The following DTX2 variants were observed in gnomAD, a reference collection of about 807,000 sequenced individuals.
The protein encoded by DTX2 is probable E3 ubiquitin-protein ligase DTX2.
In DTX2, 29 loss-of-function variants were observed where a neutral mutation model predicts 55.3. The ratio of observed to expected loss-of-function variants is 0.52; its 90% CI spans 0.39 to 0.71. The LOEUF (loss-of-function observed/expected upper bound fraction) is 0.71. Among genes scored for constraint, DTX2 ranks in the 30% least tolerant of loss-of-function variants. The probability of loss-of-function intolerance (pLI) is 0.00; values close to 1 mark genes in which losing one functional copy is unlikely to be tolerated. For synonymous variants in DTX2, 276 were observed against 340.4 expected (o/e 0.81, Z 2.08); for missense variants, 537 against 822.5 (o/e 0.65, Z 4.25).
At position 76,505,231 on chromosome 7, in the gene DTX2, A is replaced by AG; in HGVS notation, c.1642-142dup. 1 of 695,226 alleles carries AG rather than the reference A, an allele frequency of 1.4e-6. No individual in the cohort carries two copies. The highest frequency in any genetic ancestry group is 1.8e-5 in the African/African-American group (1 of 56,540). 43.1% of individuals were successfully genotyped at this position (695,226 alleles called of 1,614,324 possible). ...CAGTGGGCAGTTTTGGGGTCCCTGC[A>AG]GATGGGGTGAGTGCCAGGGAGTGGA... On this transcript the variant is annotated intron_variant, in intron 10 of 10. Coordinates refer to ENST00000430490, the MANE Select transcript of DTX2 (RefSeq NM_001102594.3). This position sits in a 1 kb window ranked among gnomAD's most constrained non-coding sequence, Gnocchi z 4.4.
intron 2 of DTX2, among the ~76,000 whole-genome samples, chr7:76,466,722 C>T (rs1181314827): frequency 2.6e-4 from 39 of 152,370 alleles, no homozygotes; most frequent in South Asian, 2.3e-3. Flanking sequence ...CCTCAGACTC[C>T]GGAGTAGCTA....
intron 6 of DTX2, among the ~76,000 whole-genome samples, chr7:76,498,737 C>A: frequency 1.2e-5 from 1 of 83,950 alleles, no homozygotes; most frequent in African/African-American, 6.4e-5. Context: ...TGGGGGCCAT[C>A]GTTCTGGTCT....
At chr7:76,498,439 T>C (rs1811179569) in intron 6 of DTX2, among the ~76,000 whole-genome samples, 1 of 151,442 alleles carries the variant, frequency 6.6e-6, no homozygotes, top group South Asian at 2.1e-4. Flanking sequence ...GCTGGCAACC[T>C]TCTGTGGCAC....
At chr7:76,476,370 T>C (rs1563728660) in intron 2 of DTX2, among the ~76,000 whole-genome samples, 1 of 141,180 alleles carries the variant, frequency 7.1e-6, no homozygotes, top group Non-Finnish European at 1.5e-5. Flanking sequence ...AGTGGGCGTT[T>C]CTGGGCAGTG....
intron 2 of DTX2, among the ~76,000 whole-genome samples, chr7:76,477,938 C>T (rs539079683): frequency 5.3e-5 from 8 of 150,340 alleles, no homozygotes; most frequent in Non-Finnish European, 1.0e-4. Flanking sequence ...AAACCCAGGT[C>T]GGGTCTGGCT....
At position 76,501,101 on chromosome 7, in the gene DTX2, CA is replaced by C. The variant is rs752323328; in HGVS notation, c.1230+582del. Among the ~76,000 whole-genome samples, 423 of 151,310 alleles carry C rather than the reference CA, an allele frequency of 2.8e-3. 4 individuals are homozygous for C. The highest frequency in any genetic ancestry group is 3.6e-3 in the African/African-American group (149 of 41,256). On this transcript the variant is annotated intron_variant, in intron 7 of 10. Coordinates refer to ENST00000430490, the MANE Select transcript of DTX2 (RefSeq NM_001102594.3). ...CTGAGCCACGTTTTGGGGGCTGCAG[CA>C]CCACTTTCCCCTGATTTTAGCTGGG...
chr7:76,503,500 G>T lies in DTX2; in HGVS notation c.1464G>T (p.Met488Ile). ...CGGGGACCCAGCCCCAGGGAAAGATGGAGGTATTACGGTTCCAGATGTCGC... is the reference window on the plus strand; with the variant it reads ...CGGGGACCCAGCCCCAGGGAAAGATTGAGGTATTACGGTTCCAGATGTCGC... Reference protein sequence around the residue: ...EKTGTQPQGKMEVLRFQMSLP... With the variant: ...EKTGTQPQGKIEVLRFQMSLP... The change falls in exon 9 of 11, where the codon ATG (methionine) becomes ATT (isoleucine). Residue 488 changes from methionine to isoleucine, a missense_variant. Met to Ile is a conservative substitution (Grantham distance 10). Coordinates refer to ENST00000430490, the MANE Select transcript of DTX2 (RefSeq NM_001102594.3). The T allele has an allele frequency of 6.2e-7, 1 of 1,613,028 alleles. No homozygotes were observed. The highest frequency in any genetic ancestry group is 8.5e-7 in the Non-Finnish European group (1 of 1,179,952).
chr7:76,481,238 G>A (rs1175920908), intron 3 of DTX2, among the ~76,000 whole-genome samples: 4 of 151,574 alleles, frequency 2.6e-5, no homozygotes, highest in African/African-American at 9.7e-5. Context: ...CTAAACTGGA[G>A]TGCAGTGGCG....
At chr7:76,484,513 G>A (rs1809689781) in intron 4 of DTX2, among the ~76,000 whole-genome samples, 1 of 126,832 alleles carries the variant, frequency 7.9e-6, no homozygotes, top group African/African-American at 2.9e-5. Flanking sequence ...AATTCAGAGT[G>A]GTAGCTGGGA....
chr7:76,480,366 T>C (rs1413867485), intron 2 of DTX2, 55 bp from the exon 3 acceptor site: 63 of 1,105,834 alleles, frequency 5.7e-5, no homozygotes, highest in African/African-American at 8.0e-5. Context: ...CTGAGGCTGA[T>C]TCTGCAGGGC....
intron 2 of DTX2, 145 bp from the exon 3 acceptor site, chr7:76,480,276 G>A: frequency 2.0e-6 from 1 of 499,970 alleles, no homozygotes; most frequent in Admixed American, 3.8e-5. Flanking sequence ...CTGCACTGTA[G>A]CCTGGGTGAG....
At chr7:76,495,860 G>A (rs1810877408) in intron 5 of DTX2, among the ~76,000 whole-genome samples, 1 of 144,908 alleles carries the variant, frequency 6.9e-6, no homozygotes, top group Non-Finnish European at 1.5e-5. Context: ...TGTTGCCGGA[G>A]AACCCTGGGT....
In DTX2 at chr7:76,505,277, G is replaced by T; in HGVS notation, c.1642-97G>T. Reference sequence around the variant, plus strand: ...GTGGATGAGTCACCTGGGAGGGGCTGGGATGGGAAGAACATGGTGCCAACC... The same window carrying T: ...GTGGATGAGTCACCTGGGAGGGGCTTGGATGGGAAGAACATGGTGCCAACC... On this transcript the variant is annotated intron_variant, in intron 10 of 10. Coordinates refer to ENST00000430490, the MANE Select transcript of DTX2 (RefSeq NM_001102594.3). The surrounding 1 kb of genome is among the most constrained non-coding windows in gnomAD (Gnocchi z 4.4). The T allele has an allele frequency of 1.9e-6, 2 of 1,043,302 alleles. No homozygotes were observed. Among genetic ancestry groups the T allele is most frequent in the East Asian group, 5.2e-5 (2 of 38,446 alleles). 64.6% of individuals were successfully genotyped at this position (1,043,302 alleles called of 1,614,324 possible).
intron 6 of DTX2, among the ~76,000 whole-genome samples, chr7:76,498,835 AGGGTGTGTG>A (rs1436314030): frequency 1.0e-4 from 10 of 95,378 alleles, no homozygotes; most frequent in Non-Finnish European, 1.0e-4. Flanking sequence ...TGTAGAGGTG[AGGGTGTGTG>A]GGGTGTGTGG....
At chr7:76,502,954 GC>G in intron 8 of DTX2, 1 of 214,370 alleles carries the variant, frequency 4.7e-6, no homozygotes, top group Non-Finnish European at 9.3e-6. Flanking sequence ...GAAGAGCCGC[GC>G]CCAGACTGAC....
intron 2 of DTX2, among the ~76,000 whole-genome samples, chr7:76,469,393 CCT>C (rs1807615293): frequency 1.6e-5 from 2 of 128,992 alleles, no homozygotes; most frequent in South Asian, 2.7e-4. Flanking sequence ...TGTGAATATT[CCT>C]TTTTTTTTTT....
Position 76,505,475 on chromosome 7 carries a change from C to A in DTX2, c.1743C>A (p.Ile581=). ...CGGACACCGTGGTATGGAACGAGAT[C>A]CACCACAAGACAGAGATGGACCGCA... is the stretch of plus-strand genomic sequence containing the variant. The part of the protein sequence containing the change: ...GETDTVVWNE[I]HHKTEMDRNI... Residue 581 remains isoleucine, a synonymous_variant, in exon 11 of 11, where the codon ATC becomes ATA. Coordinates refer to ENST00000430490, the MANE Select transcript of DTX2 (RefSeq NM_001102594.3). The surrounding 1 kb of genome is among the most constrained non-coding windows in gnomAD (Gnocchi z 4.4). 6.2e-7 allele frequency: 1 copy of A among 1,609,198 alleles called. No individual in the cohort carries two copies. The highest frequency in any genetic ancestry group is 1.7e-4 in the Middle Eastern group (1 of 6,058).
At position 76,505,345 on chromosome 7, in the gene DTX2, T is replaced by A; in HGVS notation, c.1642-29T>A. On this transcript the variant is annotated intron_variant, in intron 10 of 10. Transcript: ENST00000430490. This position sits in a 1 kb window ranked among gnomAD's most constrained non-coding sequence, Gnocchi z 4.4. Reference sequence around the variant, plus strand: ...CCCCTCTCACTCTCCGTCCCCTCCTTCCTCTTCCCCCTCCTCCTCCCCGGG... The same window carrying A: ...CCCCTCTCACTCTCCGTCCCCTCCTACCTCTTCCCCCTCCTCCTCCCCGGG... 6.5e-7 allele frequency: 1 copy of A among 1,542,008 alleles called. No individual in the cohort carries two copies. Among genetic ancestry groups the A allele is most frequent in the Non-Finnish European group, 8.8e-7 (1 of 1,138,394 alleles).
intron 2 of DTX2, chr7:76,474,499 T>A (rs1034830515): frequency 6.6e-6 from 1 of 152,162 alleles, no homozygotes; most frequent in African/African-American, 2.4e-5. Context: ...AGCTTTCATC[T>A]TCTCTCGGGA....
Sources: allele counts gnomAD v4.1 joint callset (sites outside exome capture counted in the v4.1 genomes callset), GRCh38; gene constraint gnomAD v4.1.1; non-coding constraint Gnocchi (gnomAD v3.1); transcripts MANE v1.5; gene names NCBI Gene and HGNC (gene_info 2026-07-23, HGNC 2026-07-21).